Variants in RAB38 observed in about 807,000 individuals in gnomAD.
RAB38 encodes the protein ras-related protein Rab-38.
A neutral mutation model predicts 18.4 loss-of-function variants in RAB38; 15 were observed. The observed-to-expected ratio is 0.82, with a 90% CI of 0.55 to 1.26. The LOEUF (loss-of-function observed/expected upper bound fraction) is 1.26, where lower values mean the gene tolerates loss of function less well. Ranked by LOEUF, RAB38 falls within the 50% of genes most tolerant of loss-of-function variation. The pLI, the probability that RAB38 is intolerant of heterozygous loss-of-function variation, is 0.00. For missense variants in RAB38, 294 were observed against 267.4 expected, an observed-to-expected ratio of 1.10 and a Z score of -0.69; for synonymous variants, 101 against 104.4, an observed-to-expected ratio of 0.97 and a Z score of 0.20.
chr11:87,909,546 A>C, the RAB38 span, among the ~76,000 whole-genome samples: 2 of 152,112 alleles, frequency 1.3e-5, no homozygotes, highest in African/African-American at 4.8e-5. Flanking sequence ...ATGTTTCCAC[A>C]AATGTGTACA....
chr11:88,145,187 TC>T lies in RAB38; in HGVS notation c.483+4487del, dbSNP rs528134892. 1.5e-3 allele frequency among the ~76,000 whole-genome samples: 227 copies of T among 152,026 alleles called. 2 individuals are homozygous for T. The highest frequency in any genetic ancestry group is 5.3e-3 in the African/African-American group (218 of 41,462). ...GGGTAGGGATGGAGTTTTGCTCAAG[TC>T]GCCCAGGCTGGTGAGCAATGGCGCG... On this transcript the variant is annotated intron_variant, in intron 2 of 2. Transcript: ENST00000243662.
chr11:87,931,664 T>C, the RAB38 span, among the ~76,000 whole-genome samples: 197 of 152,256 alleles, frequency 1.3e-3, 4 homozygotes, highest in Non-Finnish European at 1.8e-3. Context: ...TTACCCATAA[T>C]ATCAGTTCCT....
At chr11:87,900,227 A>G in the RAB38 span, among the ~76,000 whole-genome samples, 1 of 151,664 alleles carries the variant, frequency 6.6e-6, no homozygotes, top group Admixed American at 6.6e-5. Flanking sequence ...TATCAGGAAG[A>G]TCAGAGATGG....
the RAB38 span, among the ~76,000 whole-genome samples, chr11:88,011,623 G>A: frequency 2.0e-5 from 3 of 152,168 alleles, no homozygotes; most frequent in Admixed American, 6.5e-5. Context: ...GGGTGAGAAT[G>A]CAGCAGGGCT....
At chr11:87,916,575 C>T in the RAB38 span, among the ~76,000 whole-genome samples, 23 of 152,118 alleles carry the variant, frequency 1.5e-4, no homozygotes, top group African/African-American at 5.6e-4. Context: ...ATGTGCTTCT[C>T]ATACTTCCCA....
the RAB38 span, among the ~76,000 whole-genome samples, chr11:87,839,709 T>C: frequency 6.6e-6 from 1 of 152,174 alleles, no homozygotes; most frequent in South Asian, 2.1e-4. Flanking sequence ...CTTAATATGG[T>C]GTATTGGAAA....
At chr11:87,843,272 C>T in the RAB38 span, among the ~76,000 whole-genome samples, 1 of 152,176 alleles carries the variant, frequency 6.6e-6, no homozygotes, top group African/African-American at 2.4e-5. Flanking sequence ...CACAGCCTGC[C>T]ACTTTTATCC....
the RAB38 span, among the ~76,000 whole-genome samples, chr11:87,862,212 A>G: frequency 6.6e-6 from 1 of 152,000 alleles, no homozygotes; most frequent in Non-Finnish European, 1.5e-5. Flanking sequence ...ATGCACGGAT[A>G]TGTTCATTGC....
At chr11:87,960,645 C>T in the RAB38 span, among the ~76,000 whole-genome samples, 3 of 152,152 alleles carry the variant, frequency 2.0e-5, no homozygotes, top group Non-Finnish European at 4.4e-5. Context: ...GTTACTTGTA[C>T]TCTGTACAAG....
intron 1 of RAB38, among the ~76,000 whole-genome samples, chr11:88,168,775 T>A (rs1328613795): frequency 1.3e-5 from 2 of 152,180 alleles, no homozygotes; most frequent in African/African-American, 4.8e-5. Flanking sequence ...AGGAGAGACA[T>A]CCTGGGTTTC....
the RAB38 span, among the ~76,000 whole-genome samples, chr11:87,915,106 G>A: frequency 6.6e-6 from 1 of 152,126 alleles, no homozygotes. Flanking sequence ...CCCCAGAATG[G>A]TAGAGCCAGT....
chr11:87,891,798 C>A, the RAB38 span, among the ~76,000 whole-genome samples: 1 of 151,798 alleles, frequency 6.6e-6, no homozygotes, highest in African/African-American at 2.4e-5. Context: ...GAATACAGGT[C>A]TTGCCCTCCA....
At chr11:87,859,304 C>A in the RAB38 span, among the ~76,000 whole-genome samples, 2 of 151,714 alleles carry the variant, frequency 1.3e-5, no homozygotes, top group African/African-American at 4.8e-5. Context: ...TGACTTAAAA[C>A]CTTGGTATGA....
At chr11:87,969,203 A>G in the RAB38 span, among the ~76,000 whole-genome samples, 1 of 152,140 alleles carries the variant, frequency 6.6e-6, no homozygotes, top group African/African-American at 2.4e-5. Context: ...GGCCTTTTCC[A>G]ACTCGATATT....
chr11:87,838,624 A>G, the RAB38 span, among the ~76,000 whole-genome samples: 5 of 152,170 alleles, frequency 3.3e-5, no homozygotes, highest in Admixed American at 6.6e-5. Flanking sequence ...ATCAAGGAGA[A>G]GCATTCAGCT....
At chr11:88,054,179 C>G in the RAB38 span, among the ~76,000 whole-genome samples, 4 of 152,160 alleles carry the variant, frequency 2.6e-5, no homozygotes, top group South Asian at 2.1e-4. Context: ...AAACTCAAGT[C>G]TGAATGACAG....
the RAB38 span, among the ~76,000 whole-genome samples, chr11:87,929,671 G>A: frequency 1.3e-5 from 2 of 150,946 alleles, no homozygotes; most frequent in African/African-American, 2.4e-5. Flanking sequence ...CCATTAAGTC[G>A]TCATTTAACA....
At chr11:87,976,832 TAA>T in the RAB38 span, among the ~76,000 whole-genome samples, 21 of 64,464 alleles carry the variant, frequency 3.3e-4, 2 homozygotes, top group African/African-American at 1.3e-3. Context: ...ATGTATAATA[TAA>T]ATATATATTG....
chr11:88,053,074 AC>A, the RAB38 span, among the ~76,000 whole-genome samples: 4 of 132,520 alleles, frequency 3.0e-5, no homozygotes, highest in East Asian at 4.1e-4. Flanking sequence ...ATATATATAC[AC>A]ATATATATGG....
Sources: allele counts gnomAD v4.1 joint callset (sites outside exome capture counted in the v4.1 genomes callset), GRCh38; gene constraint gnomAD v4.1.1; transcripts MANE v1.5; gene names NCBI Gene and HGNC (gene_info 2026-07-23, HGNC 2026-07-21).